MRC2: variants seen among roughly 807,000 people sequenced by gnomAD.
The protein encoded by MRC2 is C-type mannose receptor 2.
In MRC2, 84 loss-of-function variants were observed where a neutral mutation model predicts 206.2. The ratio of observed to expected loss-of-function variants is 0.41; its 90% CI spans 0.34 to 0.49. The LOEUF (loss-of-function observed/expected upper bound fraction) is 0.49, where lower values mean the gene tolerates loss of function less well. Among genes scored for constraint, MRC2 ranks in the 20% least tolerant of loss-of-function variants. MRC2 has a pLI of 0.31. For synonymous variants in MRC2, 798 were observed against 800.0 expected (o/e 1.00, Z 0.04); for missense variants, 1,676 against 2,001.5 (o/e 0.84, Z 3.10).
At chr17:62,661,792 T>C (rs1444325536) in intron 1 of MRC2, 1 of 152,214 alleles carries the variant, frequency 6.6e-6, no homozygotes, top group African/African-American at 2.4e-5. Context: ...TTTTGTCATT[T>C]ATTTGAATTT....
At chr17:62,686,813 G>A (rs1245185700) in intron 20 of MRC2, among the ~76,000 whole-genome samples, 1 of 152,176 alleles carries the variant, frequency 6.6e-6, no homozygotes, top group Admixed American at 6.5e-5. Context: ...GCCTCAGCAT[G>A]GCTCTGAAAC....
In MRC2 at chr17:62,672,288, C is replaced by T; in HGVS notation, c.1461+136C>T. 3 of 979,166 alleles carry T rather than the reference C, an allele frequency of 3.1e-6. No individual in the cohort carries two copies. The highest frequency in any genetic ancestry group is 2.2e-5 in the Admixed American group (1 of 45,416). 60.7% of individuals were successfully genotyped at this position (979,166 alleles called of 1,614,324 possible). ...TACCTCTCAGCAGTCCCCCTCCTCC[C>T]CACCAATGCCTTCCCTTCCATGTGA... On this transcript the variant is annotated intron_variant, in intron 8 of 29. Transcript: ENST00000303375. This position sits in a 1 kb window ranked among gnomAD's most constrained non-coding sequence, Gnocchi z 4.5.
At chr17:62,678,412 C>T in intron 12 of MRC2, 92 bp from the exon 13 acceptor site, 1 of 1,515,794 alleles carries the variant, frequency 6.6e-7, no homozygotes. Flanking sequence ...AGGCTCCAGG[C>T]CCCTCCTCTG....
At chr17:62,632,346 C>T (rs532819919) in intron 1 of MRC2, among the ~76,000 whole-genome samples, 4 of 152,262 alleles carry the variant, frequency 2.6e-5, no homozygotes, top group Admixed American at 2.0e-4. Flanking sequence ...CTCCTTCCGC[C>T]GCTGGGCACC....
At chr17:62,674,691 A>AG (rs1472349859) in intron 9 of MRC2, among the ~76,000 whole-genome samples, 1 of 142,284 alleles carries the variant, frequency 7.0e-6, no homozygotes, top group Non-Finnish European at 1.5e-5. Flanking sequence ...GAGGATGTTT[A>AG]GGGAGGTTGA....
rs1246885399 is a variant in MRC2 at position 62,692,746 on chromosome 17, G to A, written c.*295G>A. On this transcript the variant is annotated 3_prime_UTR_variant, in exon 30 of 30. Transcript: ENST00000303375. This position sits in a 1 kb window ranked among gnomAD's most constrained non-coding sequence, Gnocchi z 4.2. ...CCAGAGGTAGGATGGGAGGGGGAAC[G>A]AGAGCCTCTTTCTCCCCAGAGCCCC... is the stretch of plus-strand genomic sequence containing the variant. 4 of 360,886 alleles carry A rather than the reference G, an allele frequency of 1.1e-5. No homozygotes were observed. The East Asian group carries it at 2.1e-4, about 19-fold the overall frequency. The allele number at this position is 360,886 out of a possible 1,614,324, so 22.4% of individuals were successfully genotyped here. A position where few individuals can be genotyped will look rare whatever the true frequency, so the allele number is the denominator to read the frequency against.
In MRC2 at chr17:62,692,298, G is replaced by A; in HGVS notation, c.4287G>A (p.Leu1429=). The change falls in exon 30 of 30, where the codon CTG becomes CTA. Residue 1429 remains leucine (L), a synonymous_variant. Transcript: ENST00000303375. The surrounding 1 kb of genome is among the most constrained non-coding windows in gnomAD (Gnocchi z 4.2). ...LMAVLLLLAL[L]TAALILYRRR... ...CGGTGCTGCTGCTCCTGGCCTTGCT[G>A]ACCGCAGCCCTCATCCTTTACCGGA... is the stretch of plus-strand genomic sequence containing the variant. The A allele has an allele frequency of 6.3e-7, 1 of 1,595,474 alleles. No individual in the cohort carries two copies.
chr17:62,679,959 T>G, intron 14 of MRC2, 57 bp downstream of exon 14: 1 of 1,493,646 alleles, frequency 6.7e-7, no homozygotes, highest in Non-Finnish European at 9.1e-7. Context: ...GGGCGGGGCC[T>G]GTTTGGGGCG....
Position 62,652,106 on chromosome 17 carries a change from C to T in MRC2, c.119-12442C>T, listed in dbSNP as rs534141273. The stretch of plus-strand genomic sequence containing the variant: ...GGGGCACGTGTAATATTTCCGCTTT[C>T]GGTTACTCCCCACCCCACACACCTT... On this transcript the variant is annotated intron_variant, in intron 1 of 29. Coordinates refer to ENST00000303375, the MANE Select transcript of MRC2 (RefSeq NM_006039.5). The surrounding 1 kb of genome is among the most constrained non-coding windows in gnomAD (Gnocchi z 4.6). Among the ~76,000 whole-genome samples, 199 of 152,312 alleles carry T rather than the reference C, an allele frequency of 1.3e-3. No homozygotes were observed. The highest frequency in any genetic ancestry group is 2.2e-3 in the Admixed American group (34 of 15,298).
intron 2 of MRC2, among the ~76,000 whole-genome samples, chr17:62,665,430 G>T (rs562204195): frequency 2.7e-5 from 4 of 147,186 alleles, no homozygotes; most frequent in Admixed American, 6.7e-5. Context: ...AAAAAGAAAA[G>T]AAAAGAAAAA....
In MRC2 at chr17:62,666,574, G is replaced by A. The variant is rs765054987; in HGVS notation, c.814G>A (p.Asp272Asn). The change falls in exon 4 of 30, where the codon GAT becomes AAT. Residue 272 changes from aspartate to asparagine, a missense_variant. Around this residue, in one of 3 missense-constraint regions of MRC2, gnomAD observed 1,354 missense variants for 1,636.6 expected, o/e 0.83. Transcript: ENST00000303375. This position sits in a 1 kb window ranked among gnomAD's most constrained non-coding sequence, Gnocchi z 5.0. ...GGCCAGCTGCGAGCAGCAGGGTGCG[G>A]ATCTGCTGAGCATCACGGAGATCCA... The part of the protein sequence containing the change: ...AWASCEQQGA[D>N]LLSITEIHEQ... 6 of 1,609,628 alleles carry A rather than the reference G, an allele frequency of 3.7e-6. No homozygotes were observed. Among genetic ancestry groups the A allele is most frequent in the Middle Eastern group, 1.7e-4 (1 of 6,048 alleles).
intron 1 of MRC2, among the ~76,000 whole-genome samples, chr17:62,631,218 G>C (rs1245797874): frequency 6.6e-6 from 1 of 152,102 alleles, no homozygotes; most frequent in Non-Finnish European, 1.5e-5. Context: ...CTGTTGCACT[G>C]TCCATACCCC....
chr17:62,676,669 T>A, intron 11 of MRC2, 138 bp downstream of exon 11: 1 of 1,091,108 alleles, frequency 9.2e-7, no homozygotes, highest in Non-Finnish European at 1.3e-6. Flanking sequence ...GAGCACAAGC[T>A]CTGAAACCAA....
intron 24 of MRC2, 58 bp from the exon 25 acceptor site, chr17:62,689,836 T>C (rs1208165740): frequency 2.6e-6 from 4 of 1,549,940 alleles, no homozygotes; most frequent in East Asian, 2.4e-5. Context: ...GCCCCCGCCT[T>C]ATCCGCACCC....
Position 62,667,182 on chromosome 17 carries a change from G to A in MRC2, c.974-208G>A, listed in dbSNP as rs912661286. 2.6e-5 allele frequency among the ~76,000 whole-genome samples: 4 copies of A among 152,196 alleles called. No individual in the cohort carries two copies. Among genetic ancestry groups the A allele is most frequent in the African/African-American group, 7.2e-5 (3 of 41,458 alleles). The stretch of plus-strand genomic sequence containing the variant: ...GGGGCGGGGCTGGTACTGGTTACTG[G>A]GTAGAAGGTTCAAGGCGACGTGCAC... On this transcript the variant is annotated intron_variant, in intron 5 of 29. Coordinates refer to ENST00000303375, the MANE Select transcript of MRC2 (RefSeq NM_006039.5). This position sits in a 1 kb window ranked among gnomAD's most constrained non-coding sequence, Gnocchi z 4.1.
chr17:62,632,722 G>A (rs1427792187), intron 1 of MRC2, among the ~76,000 whole-genome samples: 2 of 152,170 alleles, frequency 1.3e-5, no homozygotes, highest in Admixed American at 6.5e-5. Context: ...CTGGGGTGAC[G>A]AGAGACAAGC....
At position 62,627,683 on chromosome 17, in the gene MRC2, G is replaced by C. The variant is rs2084178564; in HGVS notation, c.-120G>C. 8.7e-6 allele frequency: 6 copies of C among 687,520 alleles called. No homozygotes were observed. The highest frequency in any genetic ancestry group is 1.3e-5 in the Non-Finnish European group (6 of 474,020). 42.6% of individuals were successfully genotyped at this position (687,520 alleles called of 1,614,324 possible). On this transcript the variant is annotated 5_prime_UTR_variant, in exon 1 of 30. Coordinates refer to ENST00000303375, the MANE Select transcript of MRC2 (RefSeq NM_006039.5). ...TCCCCGGGAGGCATCACTTCGTCCC[G>C]ACCCGGAGGAGGACGCGAGCCCCTT...
chr17:62,678,690 G>A (rs770487085), intron 13 of MRC2, 44 bp downstream of exon 13: 234 of 1,584,372 alleles, frequency 1.5e-4, no homozygotes, highest in Non-Finnish European at 1.9e-4. Flanking sequence ...ACCCGCACAC[G>A]TGTAGGAGCA....
chr17:62,668,544 C>G (rs1230661396), intron 6 of MRC2, among the ~76,000 whole-genome samples: 1 of 152,048 alleles, frequency 6.6e-6, no homozygotes, highest in African/African-American at 2.4e-5. Context: ...TCAGGCCCGC[C>G]CCAGAGTAAT....
Sources: allele counts gnomAD v4.1 joint callset (sites outside exome capture counted in the v4.1 genomes callset), GRCh38; gene constraint gnomAD v4.1.1; regional missense constraint gnomAD v4.1.1; non-coding constraint Gnocchi (gnomAD v3.1); transcripts MANE v1.5; gene names NCBI Gene and HGNC (gene_info 2026-07-23, HGNC 2026-07-21).